Variants in KDM4C observed in about 807,000 individuals in gnomAD.
The protein encoded by KDM4C is lysine demethylase 4C.
KDM4C carries 81 observed loss-of-function variants against 129.3 expected under a neutral mutation model. The ratio of observed to expected loss-of-function variants is 0.63; its 90% CI spans 0.52 to 0.75. The LOEUF is 0.75. Ranked by LOEUF, KDM4C falls within the 30% of genes least tolerant of loss-of-function variation. The pLI, the probability that KDM4C is intolerant of heterozygous loss-of-function variation, is 0.00. For synonymous variants in KDM4C, 573 were observed against 456.1 expected (o/e 1.26, Z -3.26); for missense variants, 1,457 against 1,304.0 (o/e 1.12, Z -1.81).
chr9:6,949,667 C>T (rs1414888179), intron 8 of KDM4C, among the ~76,000 whole-genome samples: 3 of 151,986 alleles, frequency 2.0e-5, no homozygotes, highest in Admixed American at 6.6e-5. Flanking sequence ...AGCGAAACCC[C>T]GTCTCCACCA....
chr9:7,140,577 C>T (rs1358727244), intron 19 of KDM4C, among the ~76,000 whole-genome samples: 2 of 152,136 alleles, frequency 1.3e-5, no homozygotes, highest in East Asian at 3.9e-4. Context: ...CAGGGCTGGC[C>T]TTGATAAGCC....
intron 1 of KDM4C, among the ~76,000 whole-genome samples, chr9:6,761,073 G>T (rs1025904207): frequency 1.2e-4 from 17 of 147,664 alleles, no homozygotes; most frequent in South Asian, 2.2e-4. Flanking sequence ...CCAATGGCGC[G>T]ATCTCGGCTC....
At chr9:6,954,204 G>A (rs187121934) in intron 8 of KDM4C, among the ~76,000 whole-genome samples, 76 of 152,222 alleles carry the variant, frequency 5.0e-4, no homozygotes, top group Middle Eastern at 3.4e-3. Flanking sequence ...TCAGTGTCTA[G>A]TTCAAACAGC....
At chr9:6,731,623 C>T (rs561476441) in intron 1 of KDM4C, among the ~76,000 whole-genome samples, 15 of 152,222 alleles carry the variant, frequency 9.9e-5, no homozygotes, top group South Asian at 4.1e-4. Flanking sequence ...TGAGCCACTG[C>T]GCCCGGCCAA....
intron 8 of KDM4C, among the ~76,000 whole-genome samples, chr9:6,930,007 G>A (rs769726343): frequency 6.6e-6 from 1 of 152,140 alleles, no homozygotes; most frequent in East Asian, 1.9e-4. Flanking sequence ...TGGGATATTA[G>A]TCTCATTTTA....
chr9:6,814,415 TAATAA>T (rs1200109508), intron 3 of KDM4C, among the ~76,000 whole-genome samples: 1 of 152,220 alleles, frequency 6.6e-6, no homozygotes, highest in East Asian at 1.9e-4. Flanking sequence ...AGTAGTTTTC[TAATAA>T]AATGTAAAGT....
intron 1 of KDM4C, 66 bp from the exon 2 acceptor site, chr9:6,792,906 A>C: frequency 3.3e-6 from 5 of 1,505,212 alleles, no homozygotes; most frequent in Non-Finnish European, 4.6e-6. Context: ...CTGACATACT[A>C]TTTGTTAAAA....
chr9:6,786,147 AAC>A (rs35229384), intron 1 of KDM4C, among the ~76,000 whole-genome samples: 85,506 of 151,860 alleles, frequency 0.56, 24,670 homozygotes, highest in African/African-American at 0.71. Flanking sequence ...ACAAGTCAGA[AAC>A]ACAGGTGTAG....
rs1841029630 is a variant in KDM4C at position 7,134,905 on chromosome 9, TG to T, written c.2781+6673del. The stretch of plus-strand genomic sequence containing the variant: ...ACTCTGTAAACCTTGTGCCTTTCAC[TG>T]GGGTCCTGACTAGTCTTACAAGTTT... On this transcript the variant is annotated intron_variant, in intron 19 of 21. Transcript: ENST00000381309. Among the ~76,000 whole-genome samples, 3 of 152,216 alleles carry T rather than the reference TG, an allele frequency of 2.0e-5. No individual in the cohort carries two copies. The South Asian group carries it at 6.2e-4, about 31-fold the overall frequency.
intron 1 of KDM4C, among the ~76,000 whole-genome samples, chr9:6,768,259 C>T (rs910473031): frequency 6.6e-6 from 1 of 151,920 alleles, no homozygotes; most frequent in Admixed American, 6.6e-5. Context: ...ATCTCGGTCC[C>T]TGGGAAAGCA....
At chr9:6,992,616 G>T (rs1315198030) in intron 12 of KDM4C, among the ~76,000 whole-genome samples, 1 of 152,152 alleles carries the variant, frequency 6.6e-6, no homozygotes, top group Admixed American at 6.5e-5. Flanking sequence ...TGTTACCTTA[G>T]CCATTTGCCT....
At chr9:6,874,023 G>A (rs995818490) in intron 5 of KDM4C, among the ~76,000 whole-genome samples, 49 of 151,128 alleles carry the variant, frequency 3.2e-4, no homozygotes, top group African/African-American at 7.0e-4. Flanking sequence ...TTATGTTCAC[G>A]CTCTTATGTG....
intron 1 of KDM4C, among the ~76,000 whole-genome samples, chr9:6,725,711 CT>C (rs201307657): frequency 0.39 from 33,130 of 86,030 alleles, 3,920 homozygotes; most frequent in African/African-American, 0.46. Flanking sequence ...CTTTTCTTTT[CT>C]TTTTTTTTTT....
At chr9:6,912,217 C>T (rs1819452293) in intron 8 of KDM4C, among the ~76,000 whole-genome samples, 1 of 152,196 alleles carries the variant, frequency 6.6e-6, no homozygotes, top group South Asian at 2.1e-4. Flanking sequence ...TGCTTCTCTG[C>T]ATTCTCCTTT....
intron 20 of KDM4C, 75 bp from the exon 21 acceptor site, chr9:7,169,723 G>A: frequency 3.5e-6 from 4 of 1,132,772 alleles, no homozygotes; most frequent in Non-Finnish European, 5.1e-6. Context: ...ATCTTTTCAT[G>A]TAGTTAATTG....
intron 7 of KDM4C, among the ~76,000 whole-genome samples, chr9:6,888,401 T>G (rs889480657): frequency 2.0e-5 from 3 of 152,230 alleles, no homozygotes; most frequent in African/African-American, 7.2e-5. Context: ...TCTAAAAATT[T>G]CAGAGCAATT....
chr9:7,103,600 T>A, intron 17 of KDM4C, 85 bp from the exon 18 acceptor site: 1 of 890,220 alleles, frequency 1.1e-6, no homozygotes, highest in Non-Finnish European at 1.7e-6. Context: ...TTTTTTCTTC[T>A]CTAGTAGCTA....
chr9:6,953,364 A>G (rs1304317328), intron 8 of KDM4C, among the ~76,000 whole-genome samples: 1 of 152,198 alleles, frequency 6.6e-6, no homozygotes, highest in Non-Finnish European at 1.5e-5. Context: ...TTTAAACATA[A>G]TTTATTCTGC....
At chr9:7,011,915 T>C (rs376787505) in intron 13 of KDM4C, 36 bp downstream of exon 13, 3 of 1,556,954 alleles carry the variant, frequency 1.9e-6, no homozygotes, top group Admixed American at 1.7e-5. Context: ...CCTTCACTGC[T>C]CTGCCTTCCA....
Sources: gnomAD v4.1 joint callset for allele counts (sites outside exome capture counted in the v4.1 genomes callset) on GRCh38, gnomAD v4.1.1 for gene constraint, MANE v1.5 for transcripts, NCBI Gene and HGNC (gene_info 2026-07-23, HGNC 2026-07-21) for gene names.